The following CCT6B variants were observed in gnomAD, a reference collection of about 807,000 sequenced individuals.
CCT6B encodes chaperonin containing TCP1 subunit 6B.
CCT6B carries 49 observed loss-of-function variants against 61.5 expected under a neutral mutation model. The ratio of observed to expected loss-of-function variants is 0.80; its 90% confidence interval spans 0.63 to 1.01. The LOEUF (loss-of-function observed/expected upper bound fraction) is 1.01, where lower values mean the gene tolerates loss of function less well. Ranked by LOEUF, CCT6B falls within the 50% of genes least tolerant of loss-of-function variation. The pLI is 0.00. For synonymous variants in CCT6B, 228 were observed against 214.5 expected, an observed-to-expected ratio of 1.06 and a Z score of -0.55; for missense variants, 666 against 634.7, an observed-to-expected ratio of 1.05 and a Z score of -0.53.
chr17:34,948,724 A>C (rs948867390), intron 5 of CCT6B, among the ~76,000 whole-genome samples: 7 of 151,050 alleles, frequency 4.6e-5, no homozygotes, highest in Middle Eastern at 3.2e-3. Context: ...AAAAAAAAAA[A>C]AAAAAACAAA....
At position 34,937,692 on chromosome 17, in the gene CCT6B, G is replaced by A. The variant is rs1597741373; in HGVS notation, c.1213+1491C>T. 2.0e-5 allele frequency among the ~76,000 whole-genome samples: 3 copies of A among 151,890 alleles called. No individual in the cohort carries two copies. In the East Asian group the frequency reaches 5.8e-4, roughly 29 times the overall value. On this transcript the variant is annotated intron_variant, in intron 10 of 13. Transcript: ENST00000314144. ...CACACCAAAAGCATAATCCATGACA[G>A]AATAAAAATAATAAATTAGACTTCA... is the stretch of plus-strand genomic sequence containing the variant.
chr17:34,952,177 C>T, intron 4 of CCT6B, 124 bp from the exon 5 acceptor site: 1 of 554,518 alleles, frequency 1.8e-6, no homozygotes, highest in South Asian at 3.0e-5. Flanking sequence ...TAGGGCAAGA[C>T]CAATATGTGC....
chr17:34,939,142 CAT>C, intron 10 of CCT6B, 39 bp downstream of exon 10: 6 of 1,504,934 alleles, frequency 4.0e-6, no homozygotes, highest in Non-Finnish European at 5.5e-6. Flanking sequence ...TATATACACA[CAT>C]ATACATGAGG....
intron 11 of CCT6B, among the ~76,000 whole-genome samples, chr17:34,931,827 C>T (rs1159896281): frequency 1.3e-5 from 2 of 152,016 alleles, no homozygotes; most frequent in Admixed American, 1.3e-4. Flanking sequence ...TGGTTTGAAA[C>T]CAATTAAGGC....
intron 5 of CCT6B, among the ~76,000 whole-genome samples, chr17:34,950,508 T>C (rs1243338435): frequency 6.6e-6 from 1 of 152,178 alleles, no homozygotes; most frequent in African/African-American, 2.4e-5. Context: ...AGTAAGGATA[T>C]TTATGAACAC....
chr17:34,948,591 G>A (rs186697176), intron 5 of CCT6B, among the ~76,000 whole-genome samples: 11 of 151,842 alleles, frequency 7.2e-5, no homozygotes, highest in African/African-American at 2.4e-4. Context: ...GCACATGCCC[G>A]CAATACCAGC....
At chr17:34,956,890 G>A (rs1445117147) in intron 3 of CCT6B, among the ~76,000 whole-genome samples, 3 of 151,884 alleles carry the variant, frequency 2.0e-5, no homozygotes, top group African/African-American at 4.8e-5. Context: ...GCTTACTGCG[G>A]CCTCCACCTC....
intron 10 of CCT6B, among the ~76,000 whole-genome samples, chr17:34,937,389 A>G (rs2090106577): frequency 6.6e-6 from 1 of 152,234 alleles, no homozygotes; most frequent in Non-Finnish European, 1.5e-5. Flanking sequence ...TCAGTAGGAC[A>G]GAAAAAAGAG....
intron 5 of CCT6B, among the ~76,000 whole-genome samples, chr17:34,948,107 T>G (rs2090245962): frequency 6.6e-6 from 1 of 152,106 alleles, no homozygotes. Context: ...CATGACTAAG[T>G]TCTTTAGTGG....
intron 4 of CCT6B, among the ~76,000 whole-genome samples, chr17:34,952,630 C>A (rs11651685): frequency 0.93 from 141,342 of 152,242 alleles, 66,481 homozygotes; most frequent in East Asian, 1. Context: ...CTCCAGAAAG[C>A]TACGTCTCAT....
chr17:34,958,242 A>G (rs2090370218), intron 3 of CCT6B, among the ~76,000 whole-genome samples: 1 of 152,114 alleles, frequency 6.6e-6, no homozygotes, highest in Admixed American at 6.5e-5. Flanking sequence ...TCAGGAGCTC[A>G]AGACCAGGCT....
In CCT6B at chr17:34,954,353, T is replaced by C. The variant is rs2090325113; in HGVS notation, c.510+73A>G. The C allele has an allele frequency of 2.5e-6, 3 of 1,196,412 alleles. No homozygotes were observed. The East Asian group carries it at 7.3e-5, about 29-fold the overall frequency. 74.1% of individuals were successfully genotyped at this position (1,196,412 alleles called of 1,614,324 possible). A position where few individuals can be genotyped will look rare whatever the true frequency, so the allele number is the denominator to read the frequency against. On this transcript the variant is annotated intron_variant, in intron 4 of 13. Transcript: ENST00000314144. ...AAAAACCACATGAAATACTTGATTA[T>C]CTTACAGAAAAAGAAAAATATCACC...
intron 5 of CCT6B, among the ~76,000 whole-genome samples, chr17:34,947,780 A>C (rs2090241031): frequency 6.6e-6 from 1 of 151,908 alleles, no homozygotes; most frequent in Non-Finnish European, 1.5e-5. Context: ...TCAGGAGTTC[A>C]AAACCAGCCT....
At chr17:34,945,962 G>T (rs2090219271) in intron 5 of CCT6B, among the ~76,000 whole-genome samples, 1 of 152,194 alleles carries the variant, frequency 6.6e-6, no homozygotes, top group Non-Finnish European at 1.5e-5. Flanking sequence ...CGGTTTCAAT[G>T]TCTTCACAAT....
At chr17:34,957,052 T>C (rs1193205729) in intron 3 of CCT6B, among the ~76,000 whole-genome samples, 1 of 151,732 alleles carries the variant, frequency 6.6e-6, no homozygotes, top group Non-Finnish European at 1.5e-5. Flanking sequence ...CAAGTGATCC[T>C]CCTGCCTCAG....
intron 10 of CCT6B, among the ~76,000 whole-genome samples, chr17:34,938,542 C>T (rs2142146547): frequency 6.6e-6 from 1 of 152,098 alleles, no homozygotes; most frequent in Middle Eastern, 3.4e-3. Context: ...GGTGACAGAG[C>T]AAGACCCTGT....
At chr17:34,934,134 G>GAAAAAAAAAAAAAAA (rs1280861242) in intron 10 of CCT6B, among the ~76,000 whole-genome samples, 1 of 75,808 alleles carries the variant, frequency 1.3e-5, no homozygotes. Flanking sequence ...GTTTCAAAAA[G>GAAAAAAAAAAAAAAA]AAAAAAAAAA....
At chr17:34,946,129 G>A (rs972255017) in intron 5 of CCT6B, among the ~76,000 whole-genome samples, 5 of 152,084 alleles carry the variant, frequency 3.3e-5, no homozygotes, top group East Asian at 1.9e-4. Context: ...ACTTACAATC[G>A]GAATTCATAT....
At chr17:34,953,815 G>A (rs1006921479) in intron 4 of CCT6B, among the ~76,000 whole-genome samples, 1 of 152,066 alleles carries the variant, frequency 6.6e-6, no homozygotes, top group East Asian at 2.0e-4. Context: ...TTAGCCAGGC[G>A]TGGTGGCACG....
Sources: gnomAD v4.1 joint callset for allele counts (sites outside exome capture counted in the v4.1 genomes callset) on GRCh38, gnomAD v4.1.1 for gene constraint, MANE v1.5 for transcripts, NCBI Gene and HGNC (gene_info 2026-07-23, HGNC 2026-07-21) for gene names.